CCDC93: variants seen among roughly 807,000 people sequenced by gnomAD.
CCDC93 encodes the protein coiled-coil domain-containing protein 93.
Under a neutral mutation model 108.2 loss-of-function variants are expected in CCDC93, and 61 were observed. The ratio of observed to expected loss-of-function variants is 0.56; its 90% CI spans 0.46 to 0.70. The LOEUF (loss-of-function observed/expected upper bound fraction) is 0.70. Among genes scored for constraint, CCDC93 ranks in the 30% least tolerant of loss-of-function variants. The pLI is 0.00. For missense variants in CCDC93, 685 were observed against 764.2 expected (o/e 0.90, Z 1.22); for synonymous variants, 276 against 260.4 (o/e 1.06, Z -0.58).
chr2:117,974,923 C>A, intron 9 of CCDC93, 23 bp from the exon 10 acceptor site: 1 of 1,554,728 alleles, frequency 6.4e-7, no homozygotes, highest in Non-Finnish European at 8.7e-7. Flanking sequence ...TGGAAGGGAG[C>A]AGCAGTGAGT....
At chr2:117,960,099 AT>A (rs1679338870) in intron 11 of CCDC93, among the ~76,000 whole-genome samples, 1 of 152,174 alleles carries the variant, frequency 6.6e-6, no homozygotes, top group Non-Finnish European at 1.5e-5. Context: ...TTTATAGTTA[AT>A]TTTAGCTTTG....
chr2:117,988,115 G>GAT (rs3080398), intron 6 of CCDC93, among the ~76,000 whole-genome samples: 1,670 of 149,700 alleles, frequency 0.011, 25 homozygotes, highest in African/African-American at 0.035. Context: ...ATATATATCA[G>GAT]ATATATATAT....
intron 7 of CCDC93, among the ~76,000 whole-genome samples, chr2:117,984,036 T>C (rs896562493): frequency 1.3e-5 from 2 of 152,214 alleles, no homozygotes; most frequent in Non-Finnish European, 2.9e-5. Context: ...TTATAGTTTA[T>C]GACCTTAAGA....
At chr2:117,935,727 G>A (rs562397625) in intron 21 of CCDC93, 148 bp from the exon 22 acceptor site, 8 of 464,564 alleles carry the variant, frequency 1.7e-5, no homozygotes, top group Non-Finnish European at 3.0e-5. Context: ...GGGGGCCCCT[G>A]GGATCCCAGG....
intron 12 of CCDC93, 129 bp downstream of exon 12, chr2:117,958,236 T>G (rs1473706322): frequency 3.1e-6 from 2 of 640,012 alleles, no homozygotes; most frequent in African/African-American, 3.7e-5. Context: ...GTAATAAAAC[T>G]TAATTTACAA....
intron 9 of CCDC93, 136 bp from the exon 10 acceptor site, chr2:117,975,036 G>C: frequency 1.9e-6 from 2 of 1,045,656 alleles, no homozygotes; most frequent in African/African-American, 1.6e-5. Context: ...CTCAAAGGCA[G>C]GTGATAAAAT....
chr2:117,943,278 A>C (rs6732803), intron 18 of CCDC93, among the ~76,000 whole-genome samples: 148,163 of 152,340 alleles, frequency 0.97, 72,186 homozygotes, highest in Middle Eastern at 1. Context: ...TTTATTAGTT[A>C]TGGGACCTGA....
intron 10 of CCDC93, 61 bp from the exon 11 acceptor site, chr2:117,974,055 A>G: frequency 9.9e-7 from 1 of 1,014,236 alleles, no homozygotes. Flanking sequence ...GCACTGGAAA[A>G]TCTGAACACT....
chr2:117,963,664 T>C (rs900728733), intron 11 of CCDC93, among the ~76,000 whole-genome samples: 8 of 152,212 alleles, frequency 5.3e-5, no homozygotes, highest in African/African-American at 1.9e-4. Context: ...GTGTGCCTGC[T>C]CAGAATGCAC....
rs201153885 is a variant in CCDC93, at chr2:117,975,170, C to A, written c.750+18G>T. On this transcript the variant is annotated intron_variant, in intron 9 of 23. Transcript: ENST00000376300. ...TGACTTACACAGAAACCTCAGAGGG[C>A]CTACATGGACCACACACCTCTTCAG... 2.5e-6 allele frequency: 4 copies of A among 1,600,716 alleles called. No individual in the cohort carries two copies. The Admixed American group carries it at 6.7e-5, about 27-fold the overall frequency.
intron 23 of CCDC93, among the ~76,000 whole-genome samples, chr2:117,929,069 A>T (rs1356289711): frequency 7.0e-6 from 1 of 142,282 alleles, no homozygotes; most frequent in African/African-American, 2.6e-5. Flanking sequence ...ATGAAAACAC[A>T]TGGACACAGG....
intron 11 of CCDC93, 48 bp downstream of exon 11, chr2:117,973,860 C>T (rs1455297723): frequency 1.4e-6 from 2 of 1,422,320 alleles, no homozygotes; most frequent in Admixed American, 3.7e-5. Flanking sequence ...GAGAACAAAG[C>T]CATGGAGCAT....
chr2:117,927,155 T>C (rs4435459), intron 23 of CCDC93, among the ~76,000 whole-genome samples: 10,567 of 152,076 alleles, frequency 0.069, 512 homozygotes, highest in Admixed American at 0.11. Context: ...AAACCCACAG[T>C]CAATATCATA....
chr2:117,985,163 A>G (rs1466908928), intron 7 of CCDC93, among the ~76,000 whole-genome samples: 1 of 152,048 alleles, frequency 6.6e-6, no homozygotes, highest in Non-Finnish European at 1.5e-5. Context: ...AAAAAAACAT[A>G]AGCAATTGCA....
At chr2:117,923,286 T>C (rs541294918) in intron 23 of CCDC93, among the ~76,000 whole-genome samples, 7 of 152,110 alleles carry the variant, frequency 4.6e-5, no homozygotes, top group Non-Finnish European at 5.9e-5. Flanking sequence ...GCGCGTGCAG[T>C]GCACTCAGCG....
Position 117,918,007 on chromosome 2 carries a change from A to C in CCDC93, c.*2336T>G, listed in dbSNP as rs1303079039. 6.6e-6 allele frequency: 1 copy of C among 150,670 alleles called. No individual in the cohort carries two copies. The highest frequency in any genetic ancestry group is 1.9e-4 in the East Asian group (1 of 5,194). The allele number at this position is 150,670 out of a possible 1,614,324, so 9.3% of individuals were successfully genotyped here. A position where few individuals can be genotyped will look rare whatever the true frequency, so the allele number is the denominator to read the frequency against. On this transcript the variant is annotated 3_prime_UTR_variant, in exon 24 of 24. Coordinates refer to ENST00000376300, the MANE Select transcript of CCDC93 (RefSeq NM_019044.5). ...TTCTTGCTTCCTTTTAACTCCGGAG[A>C]AGCCTGTGGGCTTAGAGCACAATTC...
At chr2:117,952,582 A>G (rs2104746897) in intron 12 of CCDC93, 147 bp from the exon 13 acceptor site, 2 of 639,908 alleles carry the variant, frequency 3.1e-6, no homozygotes, top group East Asian at 5.5e-5. Flanking sequence ...CAACAAATGA[A>G]GAAAAAAACC....
intron 1 of CCDC93, among the ~76,000 whole-genome samples, chr2:118,010,478 C>T (rs1431925150): frequency 1.3e-5 from 2 of 152,130 alleles, no homozygotes; most frequent in Non-Finnish European, 1.5e-5. Context: ...TCTCTGAGTC[C>T]TCCCTTACCC....
At chr2:117,975,955 T>C (rs1679930738) in intron 8 of CCDC93, among the ~76,000 whole-genome samples, 1 of 152,220 alleles carries the variant, frequency 6.6e-6, no homozygotes, top group Non-Finnish European at 1.5e-5. Context: ...GATTAACTGC[T>C]GCCTCCTCAA....
Sources: allele counts gnomAD v4.1 joint callset (sites outside exome capture counted in the v4.1 genomes callset), GRCh38; gene constraint gnomAD v4.1.1; transcripts MANE v1.5; gene names NCBI Gene and HGNC (gene_info 2026-07-23, HGNC 2026-07-21).